The following TMEM50B variants were observed in gnomAD, a reference collection of about 807,000 sequenced individuals.
TMEM50B encodes the protein HCV p7-trans-regulated protein 3.
In TMEM50B, 14 loss-of-function variants were observed where a neutral mutation model predicts 23.4. The ratio of observed to expected loss-of-function variants is 0.60; its 90% CI spans 0.39 to 0.93. TMEM50B has a LOEUF of 0.93. TMEM50B is among the 40% of genes least tolerant of loss of function. TMEM50B has a pLI of 0.00. For missense variants in TMEM50B, 159 were observed against 193.0 expected (o/e 0.82, Z 1.04); for synonymous variants, 64 against 62.3 (o/e 1.03, Z -0.13).
rs750435623 is a variant in TMEM50B at position 33,467,052 on chromosome 21, G to A, written c.170C>T (p.Ala57Val). 1.2e-6 allele frequency: 2 copies of A among 1,614,060 alleles called. No individual in the cohort carries two copies. The highest frequency in any genetic ancestry group is 8.5e-7 in the Non-Finnish European group (1 of 1,179,974). The change falls in exon 3 of 7, where the codon GCC becomes GTC. Residue 57 changes from alanine (A) to valine (V), a missense_variant. Ala to Val is a moderately conservative substitution (Grantham distance 64). Transcript: ENST00000542230. ...GGAAAATACACCACATGTGTGAAAG[G>A]CATGGTTCAACTGTTCTGGCTTAGG... is the stretch of plus-strand genomic sequence containing the variant. ...VYPKPEQLNHAFHTCGVFSTL... is the reference protein window; with the variant it reads ...VYPKPEQLNHVFHTCGVFSTL...
intron 1 of TMEM50B, among the ~76,000 whole-genome samples, chr21:33,469,971 G>A (rs564515416): frequency 1.1e-4 from 17 of 152,234 alleles, no homozygotes; most frequent in African/African-American, 3.9e-4. Flanking sequence ...CTGTAACGCA[G>A]TAAGACATAA....
At chr21:33,477,726 G>A (rs2084387011) in intron 1 of TMEM50B, among the ~76,000 whole-genome samples, 1 of 151,710 alleles carries the variant, frequency 6.6e-6, no homozygotes, top group South Asian at 2.1e-4. Flanking sequence ...CAGGAGAATC[G>A]TTTAAACCTG....
intron 8 of TMEM50B, chr21:33,432,955 T>G: frequency 8.8e-7 from 1 of 1,139,140 alleles, no homozygotes; most frequent in Non-Finnish European, 1.3e-6. Flanking sequence ...GTACAATCTC[T>G]GCTCACTGCA....
rs116216327 is a variant in TMEM50B, at chr21:33,450,611, T to C, written c.*207A>G. ...ACTGATACTCATTATCCAATTCATA[T>C]AGTCTTGTATTATATACATATTAAC... On this transcript the variant is annotated 3_prime_UTR_variant, in exon 7 of 7. Transcript: ENST00000542230. 503 of 431,398 alleles carry C rather than the reference T, an allele frequency of 1.2e-3. 2 individuals are homozygous for C. Among genetic ancestry groups the C allele is most frequent in the African/African-American group, 9.2e-3 (457 of 49,574 alleles). 26.7% of individuals were successfully genotyped at this position (431,398 alleles called of 1,614,324 possible).
Position 33,432,672 on chromosome 21 carries a change from C to T in TMEM50B, c.*2251G>A, listed in dbSNP as rs121913216. Reference sequence around the variant, plus strand: ...AACATTAACTGATGTTTGTGTTGTGCGTAGGAAGATCATTCTGTTCACTTT... The same window carrying T: ...AACATTAACTGATGTTTGTGTTGTGTGTAGGAAGATCATTCTGTTCACTTT... On this transcript the variant is annotated 3_prime_UTR_variant and NMD_transcript_variant, in exon 9 of 9. Coordinates refer to the TMEM50B transcript ENST00000420455. 1.5e-3 allele frequency: 2,330 copies of T among 1,602,266 alleles called. 5 individuals are homozygous for T. The highest frequency in any genetic ancestry group is 1.8e-3 in the Non-Finnish European group (2,070 of 1,169,230).
In TMEM50B at chr21:33,453,899, T is replaced by A. The variant is rs370518130; in HGVS notation, c.431+1828A>T. ...TGGGCAGATCACTTGAGGTCAGGAG[T>A]TCGAGACCGGCCTGGTCAACATGGC... On this transcript the variant is annotated intron_variant, in intron 6 of 6. Transcript: ENST00000542230. Among the ~76,000 whole-genome samples the A allele has an allele frequency of 1.4e-4, 21 of 151,830 alleles. No homozygotes were observed. The East Asian group carries it at 3.9e-3, about 28-fold the overall frequency.
At chr21:33,457,033 T>C (rs1305692106) in intron 5 of TMEM50B, among the ~76,000 whole-genome samples, 1 of 152,092 alleles carries the variant, frequency 6.6e-6, no homozygotes, top group African/African-American at 2.4e-5. Flanking sequence ...GGCGGGTAGA[T>C]CACTTGAGGT....
exon 9 of TMEM50B, chr21:33,432,596 G>A (rs973629501): frequency 2.6e-6 from 3 of 1,141,360 alleles, no homozygotes; most frequent in Admixed American, 1.7e-5. Context: ...GGGGGTAGAG[G>A]GACTTGCCCA....
At chr21:33,444,417 C>T (rs975283980), downstream of TMEM50B, among the ~76,000 whole-genome samples, 1 of 151,812 alleles carries the variant, frequency 6.6e-6, no homozygotes, top group African/African-American at 2.4e-5. Context: ...TGGTGGCGTG[C>T]GTCTGTAGTC....
chr21:33,439,050 G>A (rs4816453), intron 8 of TMEM50B, among the ~76,000 whole-genome samples: 88,905 of 151,950 alleles, frequency 0.59, 28,034 homozygotes, highest in East Asian at 0.83. Context: ...TCTCTTAAGT[G>A]TTGTGTACCA....
At position 33,450,710 on chromosome 21, in the gene TMEM50B, A is replaced by G. The variant is rs1181247061; in HGVS notation, c.*108T>C. 7.3e-6 allele frequency: 6 copies of G among 826,908 alleles called. No homozygotes were observed. The Admixed American group carries it at 1.6e-4, about 22-fold the overall frequency. The allele number at this position is 826,908 out of a possible 1,614,324, so 51.2% of individuals were successfully genotyped here. A position where few individuals can be genotyped will look rare whatever the true frequency, so the allele number is the denominator to read the frequency against. ...TCAGAACATAAAAATGTAAAGAAAC[A>G]AAACATTTAATGTACAATCTACTCC... is the stretch of plus-strand genomic sequence containing the variant. On this transcript the variant is annotated 3_prime_UTR_variant, in exon 7 of 7. Transcript: ENST00000542230.
intron 7 of TMEM50B, among the ~76,000 whole-genome samples, chr21:33,441,066 C>G (rs2084004489): frequency 6.6e-6 from 1 of 151,598 alleles, no homozygotes; most frequent in Admixed American, 6.6e-5. Flanking sequence ...CCTGTCTCTA[C>G]TAAAAATACA....
At chr21:33,478,739 CACT>C (rs1399348453) in intron 1 of TMEM50B, 3 of 468,526 alleles carry the variant, frequency 6.4e-6, no homozygotes, top group Non-Finnish European at 1.3e-5. Context: ...AGTCTTGCAC[CACT>C]ATCTTCAGTT....
intron 1 of TMEM50B, among the ~76,000 whole-genome samples, chr21:33,476,345 T>C (rs995998433): frequency 1.3e-5 from 2 of 152,070 alleles, no homozygotes; most frequent in African/African-American, 4.8e-5. Flanking sequence ...ATCACGCCAT[T>C]GCACTCCAGC....
chr21:33,451,258 C>A (rs2084117198), intron 6 of TMEM50B, among the ~76,000 whole-genome samples: 1 of 152,184 alleles, frequency 6.6e-6, no homozygotes, highest in Admixed American at 6.5e-5. Flanking sequence ...GTAACTGAAG[C>A]ACCCTACAAC....
intron 8 of TMEM50B, among the ~76,000 whole-genome samples, chr21:33,435,127 A>T (rs2083932439): frequency 6.6e-6 from 1 of 152,170 alleles, no homozygotes; most frequent in Admixed American, 6.6e-5. Context: ...TAGACACTAG[A>T]TTCTTGGTAA....
chr21:33,473,229 A>AC (rs1398468265), intron 1 of TMEM50B, among the ~76,000 whole-genome samples: 3 of 151,920 alleles, frequency 2.0e-5, no homozygotes, highest in Non-Finnish European at 4.4e-5. Flanking sequence ...AGGTGGGCAG[A>AC]CTGCTTTGAG....
chr21:33,472,125 T>C (rs926514344), intron 1 of TMEM50B, among the ~76,000 whole-genome samples: 19 of 151,246 alleles, frequency 1.3e-4, no homozygotes, highest in Non-Finnish European at 2.4e-4. Flanking sequence ...GGCTCACACA[T>C]GTAATCCCAG....
chr21:33,478,649 C>A, intron 1 of TMEM50B: 1 of 410,898 alleles, frequency 2.4e-6, no homozygotes, highest in South Asian at 1.8e-5. Flanking sequence ...AAATATACGT[C>A]CCCACCTCAC....
Sources: allele counts gnomAD v4.1 joint callset (sites outside exome capture counted in the v4.1 genomes callset), GRCh38; gene constraint gnomAD v4.1.1; transcripts MANE v1.5; gene names NCBI Gene and HGNC (gene_info 2026-07-23, HGNC 2026-07-21).